MAP4K4: variants seen among roughly 807,000 people sequenced by gnomAD.
MAP4K4 encodes the protein mitogen-activated protein kinase kinase kinase kinase 4, also known as HPK/GCK-like kinase HGK.
A neutral mutation model predicts 189.6 loss-of-function variants in MAP4K4; 38 were observed. The ratio of observed to expected loss-of-function variants is 0.20; its 90% confidence interval spans 0.15 to 0.26. The LOEUF (loss-of-function observed/expected upper bound fraction) is 0.26, where lower values mean the gene tolerates loss of function less well. Among genes scored for constraint, MAP4K4 ranks in the 10% least tolerant of loss-of-function variants. The pLI, the probability that MAP4K4 is intolerant of heterozygous loss-of-function variation, is 1.00. For missense variants in MAP4K4, 1,054 were observed against 1,726.9 expected (o/e 0.61, Z 6.91); for synonymous variants, 610 against 624.3 (o/e 0.98, Z 0.34).
intron 2 of MAP4K4, among the ~76,000 whole-genome samples, chr2:101,730,880 T>C (rs762682057): frequency 4.0e-5 from 6 of 151,632 alleles, no homozygotes; most frequent in Non-Finnish European, 7.4e-5. Context: ...ACCCCATCTC[T>C]ACAAAAAACG....
chr2:101,839,280 T>C (rs534465071), intron 9 of MAP4K4, among the ~76,000 whole-genome samples: 2 of 152,340 alleles, frequency 1.3e-5, no homozygotes, highest in African/African-American at 4.8e-5. Flanking sequence ...AACCAACAAC[T>C]GTAATTTCCA....
chr2:101,823,033 G>A (rs539531532), intron 3 of MAP4K4, among the ~76,000 whole-genome samples: 4 of 152,030 alleles, frequency 2.6e-5, no homozygotes, highest in South Asian at 2.1e-4. Context: ...CTCTTTGCAG[G>A]TAGTATGTCA....
intron 2 of MAP4K4, among the ~76,000 whole-genome samples, chr2:101,777,787 T>TC (rs930204542): frequency 6.6e-6 from 1 of 152,222 alleles, no homozygotes; most frequent in African/African-American, 2.4e-5. Context: ...CACTGTTGTA[T>TC]CCCTAGCATC....
At chr2:101,757,182 A>C (rs748485925) in intron 2 of MAP4K4, among the ~76,000 whole-genome samples, 9 of 152,208 alleles carry the variant, frequency 5.9e-5, no homozygotes, top group Non-Finnish European at 1.2e-4. Context: ...GTTTTATACA[A>C]TTACAATGTC....
chr2:101,869,844 G>A, intron 22 of MAP4K4, 47 bp downstream of exon 22: 1 of 1,471,846 alleles, frequency 6.8e-7, no homozygotes, highest in Non-Finnish European at 9.0e-7. Context: ...TTCTCTCAGA[G>A]CCTGCTTTCC....
intron 2 of MAP4K4, among the ~76,000 whole-genome samples, chr2:101,764,024 T>C (rs767966738): frequency 2.6e-5 from 4 of 152,176 alleles, no homozygotes; most frequent in Admixed American, 6.5e-5. Flanking sequence ...TTTTCATCTT[T>C]GTCACGTGGG....
intron 3 of MAP4K4, among the ~76,000 whole-genome samples, chr2:101,810,363 T>C (rs1430884404): frequency 6.6e-6 from 1 of 152,182 alleles, no homozygotes; most frequent in African/African-American, 2.4e-5. Flanking sequence ...TTATGTATTA[T>C]ATTTGCATTA....
At chr2:101,861,266 T>C in intron 16 of MAP4K4, 1 of 272,368 alleles carries the variant, frequency 3.7e-6, no homozygotes, top group Non-Finnish European at 6.9e-6. Context: ...GCCTCCTTTT[T>C]CTGATACAAA....
chr2:101,810,158 C>G (rs557403735), intron 3 of MAP4K4, among the ~76,000 whole-genome samples: 1 of 152,218 alleles, frequency 6.6e-6, no homozygotes, highest in East Asian at 1.9e-4. Context: ...CAGGAGGGAA[C>G]CCTTTGGCTA....
intron 2 of MAP4K4, among the ~76,000 whole-genome samples, chr2:101,788,852 TTTATG>T (rs999624576): frequency 6.6e-6 from 1 of 151,878 alleles, no homozygotes; most frequent in Non-Finnish European, 1.5e-5. Flanking sequence ...TATGGCTTTA[TTTATG>T]TTAAGATTTG....
At chr2:101,738,005 A>G (rs944537701) in intron 2 of MAP4K4, among the ~76,000 whole-genome samples, 4 of 152,146 alleles carry the variant, frequency 2.6e-5, no homozygotes, top group Non-Finnish European at 5.9e-5. Context: ...TGCTAGCATC[A>G]TATGGCTTGT....
chr2:101,793,897 G>C (rs1343276495), intron 3 of MAP4K4, among the ~76,000 whole-genome samples: 1 of 152,162 alleles, frequency 6.6e-6, no homozygotes, highest in Non-Finnish European at 1.5e-5. Flanking sequence ...AACAAAACCA[G>C]CTGAGAATTA....
intron 3 of MAP4K4, among the ~76,000 whole-genome samples, chr2:101,805,090 A>G (rs2094794482): frequency 6.6e-6 from 1 of 151,830 alleles, no homozygotes; most frequent in South Asian, 2.1e-4. Flanking sequence ...AAAAAAAAAA[A>G]AAAAAGTAAT....
At chr2:101,698,661 G>C (rs961249380) in intron 2 of MAP4K4, 123 bp downstream of exon 2, 4 of 841,314 alleles carry the variant, frequency 4.8e-6, no homozygotes, top group Non-Finnish European at 7.9e-6. Context: ...TTGGGAGAGG[G>C]GTTTCTTTCG....
intron 12 of MAP4K4, among the ~76,000 whole-genome samples, chr2:101,851,724 C>CTTTTTTTTTTT (rs36217584): frequency 8.8e-5 from 6 of 67,908 alleles, no homozygotes; most frequent in Non-Finnish European, 1.4e-4. Flanking sequence ...TAACTGTCCT[C>CTTTTTTTTTTT]TTTTTTTTTT....
chr2:101,776,205 G>C (rs1022557523), intron 2 of MAP4K4, among the ~76,000 whole-genome samples: 4 of 152,246 alleles, frequency 2.6e-5, no homozygotes, highest in Admixed American at 6.5e-5. Flanking sequence ...TGAGGCCCAG[G>C]CATATTTAAT....
chr2:101,870,297 C>T (rs1302712279), exon 23 of MAP4K4: 1 of 1,612,460 alleles, frequency 6.2e-7, no homozygotes, highest in Middle Eastern at 1.7e-4. Flanking sequence ...CTCCATAGGT[C>T]ATCTCTGAAT....
At chr2:101,869,649 C>G in exon 22 of MAP4K4, 1 of 1,610,336 alleles carries the variant, frequency 6.2e-7, no homozygotes, top group Non-Finnish European at 8.5e-7. Flanking sequence ...CAAAGAGCTT[C>G]GAGCAGTGGA....
chr2:101,760,530 A>ATGTGTG (rs34293909), intron 2 of MAP4K4, among the ~76,000 whole-genome samples: 1,574 of 138,672 alleles, frequency 0.011, 14 homozygotes, highest in Non-Finnish European at 0.017. Flanking sequence ...ATATGTATAT[A>ATGTGTG]TGTGTGTGTG....
Sources: allele counts gnomAD v4.1 joint callset (sites outside exome capture counted in the v4.1 genomes callset), GRCh38; gene constraint gnomAD v4.1.1; transcripts MANE v1.5; gene names NCBI Gene and HGNC (gene_info 2026-07-23, HGNC 2026-07-21).